Variants in CPD observed in about 807,000 individuals in gnomAD.
The protein encoded by CPD is carboxypeptidase D, also known as metallocarboxypeptidase D.
Under a neutral mutation model 138.3 loss-of-function variants are expected in CPD, and 69 were observed. The ratio of observed to expected loss-of-function variants is 0.50; its 90% CI spans 0.41 to 0.61. The LOEUF (loss-of-function observed/expected upper bound fraction) is 0.61, where lower values mean the gene tolerates loss of function less well. Ranked by LOEUF, CPD falls within the 20% of genes least tolerant of loss-of-function variation. The pLI, the probability that CPD is intolerant of heterozygous loss-of-function variation, is 0.00. For missense variants in CPD, 1,432 were observed against 1,733.3 expected (o/e 0.83, Z 3.09); for synonymous variants, 651 against 642.1 (o/e 1.01, Z -0.21).
chr17:30,432,564 TA>T (rs1363675890), intron 8 of CPD, among the ~76,000 whole-genome samples: 3 of 152,126 alleles, frequency 2.0e-5, no homozygotes, highest in African/African-American at 7.2e-5. Flanking sequence ...GGATTACTCT[TA>T]CAATCGGGAA....
At chr17:30,450,646 G>T (rs1913144486) in intron 13 of CPD, among the ~76,000 whole-genome samples, 1 of 152,186 alleles carries the variant, frequency 6.6e-6, no homozygotes, top group Non-Finnish European at 1.5e-5. Flanking sequence ...ACCACTTGAG[G>T]CCAGGCGTTT....
chr17:30,402,812 C>T (rs1326975316), intron 2 of CPD, among the ~76,000 whole-genome samples: 2 of 152,038 alleles, frequency 1.3e-5, no homozygotes, highest in Non-Finnish European at 2.9e-5. Context: ...CCTATTAAAA[C>T]ATAATACTTG....
chr17:30,401,285 C>T (rs1211011047), intron 2 of CPD, among the ~76,000 whole-genome samples: 1 of 151,192 alleles, frequency 6.6e-6, no homozygotes, highest in Non-Finnish European at 1.5e-5. Context: ...CTTCCTTCTC[C>T]TCCTCTTTCT....
At chr17:30,385,343 G>A in intron 2 of CPD, 107 bp downstream of exon 2, 4 of 1,341,040 alleles carry the variant, frequency 3.0e-6, no homozygotes, top group Non-Finnish European at 4.0e-6. Flanking sequence ...AACTTTAAAA[G>A]ATATTTATTT....
chr17:30,419,386 C>T (rs8068747), intron 2 of CPD, among the ~76,000 whole-genome samples: 32,338 of 152,148 alleles, frequency 0.21, 4,438 homozygotes, highest in Non-Finnish European at 0.3. Context: ...GTTGCCCAGG[C>T]TGGAGTGCAG....
In CPD at chr17:30,448,180, A is replaced by G. The variant is rs16965797; in HGVS notation, c.2874-1373A>G. Among the ~76,000 whole-genome samples, 227 of 152,278 alleles carry G rather than the reference A, an allele frequency of 1.5e-3. 1 individual carries two copies. The highest frequency in any genetic ancestry group is 5.2e-3 in the African/African-American group (218 of 41,548). ...TAATATCATACAATCTTAGTGCCAT[A>G]GAGTTCATATACTTTTTTATTTTAA... On this transcript the variant is annotated intron_variant, in intron 12 of 20. Transcript: ENST00000225719.
At chr17:30,411,938 C>T (rs564087382) in intron 2 of CPD, among the ~76,000 whole-genome samples, 1 of 152,258 alleles carries the variant, frequency 6.6e-6, no homozygotes, top group African/African-American at 2.4e-5. Flanking sequence ...GGAGAAGAGG[C>T]GCTCTGGTTT....
chr17:30,430,503 A>G (rs1362301329), intron 7 of CPD, among the ~76,000 whole-genome samples: 2 of 152,212 alleles, frequency 1.3e-5, no homozygotes, highest in African/African-American at 4.8e-5. Context: ...AGTACATTGT[A>G]TATACATATG....
In CPD at chr17:30,379,699, C is replaced by A; in HGVS notation, c.719C>A (p.Ala240Asp). The change falls in exon 1 of 21, where the codon GCC (alanine) becomes GAC (aspartate). Residue 240 changes from alanine to aspartate, a missense_variant. By Grantham distance (126) the Ala-to-Asp change is moderately radical. Coordinates refer to ENST00000225719, the MANE Select transcript of CPD (RefSeq NM_001304.5). The surrounding 1 kb of genome is among the most constrained non-coding windows in gnomAD (Gnocchi z 7.0). ...PALDEVPEVRALIEWIRRNKF... is the reference protein window; with the variant it reads ...PALDEVPEVRDLIEWIRRNKF... ...CTGGACGAGGTGCCCGAGGTGCGCG[C>A]CCTCATCGAGTGGATCCGCAGGAAC... is the stretch of plus-strand genomic sequence containing the variant. 1 of 1,508,944 alleles carries A rather than the reference C, an allele frequency of 6.6e-7. No individual in the cohort carries two copies. Among genetic ancestry groups the A allele is most frequent in the Non-Finnish European group, 8.7e-7 (1 of 1,147,318 alleles). 93.5% of individuals were successfully genotyped at this position (1,508,944 alleles called of 1,614,324 possible).
chr17:30,442,401 C>G lies in CPD; in HGVS notation c.2324C>G (p.Pro775Arg). 1 of 1,613,424 alleles carries G rather than the reference C, an allele frequency of 6.2e-7. No individual in the cohort carries two copies. The highest frequency in any genetic ancestry group is 1.3e-5 in the African/African-American group (1 of 74,982). ...AAATATCCACTTGAGAAAGAGCTGCCAAACTTTTGGGAACAGAATCGAAGA... is the reference window on the plus strand; with the variant it reads ...AAATATCCACTTGAGAAAGAGCTGCGAAACTTTTGGGAACAGAATCGAAGA... ...CVKYPLEKEL[P>R]NFWEQNRRSL... The change falls in exon 10 of 21, where the codon CCA (proline) becomes CGA (arginine). Residue 775 changes from proline to arginine, a missense_variant. Around this residue, in one of 6 missense-constraint regions of CPD, gnomAD observed 297 missense variants for 405.3 expected, o/e 0.73. Coordinates refer to ENST00000225719, the MANE Select transcript of CPD (RefSeq NM_001304.5).
intron 8 of CPD, among the ~76,000 whole-genome samples, chr17:30,435,178 A>G (rs1452325280): frequency 6.6e-6 from 1 of 152,172 alleles, no homozygotes; most frequent in African/African-American, 2.4e-5. Context: ...AAAAAATGGA[A>G]GAAAAAGACA....
chr17:30,385,351 T>C (rs1555605816), intron 2 of CPD, 115 bp downstream of exon 2: 41 of 1,313,378 alleles, frequency 3.1e-5, no homozygotes, highest in South Asian at 4.7e-5. Context: ...AAGATATTTA[T>C]TTTTATTTTG....
At chr17:30,434,752 A>G (rs1184161862) in intron 8 of CPD, among the ~76,000 whole-genome samples, 1 of 152,178 alleles carries the variant, frequency 6.6e-6, no homozygotes, top group African/African-American at 2.4e-5. Context: ...CAAGACAGAA[A>G]AGAACTTTAA....
At chr17:30,431,714 T>C (rs564727705) in intron 7 of CPD, 58 bp from the exon 8 acceptor site, 36 of 1,149,676 alleles carry the variant, frequency 3.1e-5, no homozygotes, top group Middle Eastern at 1.9e-4. Context: ...AAAAGCTTTA[T>C]GTTAATAATC....
intron 8 of CPD, among the ~76,000 whole-genome samples, chr17:30,436,333 T>A (rs976783278): frequency 2.8e-4 from 42 of 152,046 alleles, no homozygotes; most frequent in African/African-American, 9.4e-4. Context: ...AATAAATAGA[T>A]GACCCACAGA....
intron 12 of CPD, among the ~76,000 whole-genome samples, chr17:30,446,599 A>G (rs893174304): frequency 6.6e-6 from 1 of 152,152 alleles, no homozygotes. Flanking sequence ...GGTTGGTTCC[A>G]AGTCTTTGCT....
At chr17:30,456,082 C>T (rs1276792146) in intron 15 of CPD, 174 bp from the exon 16 acceptor site, 4 of 578,528 alleles carry the variant, frequency 6.9e-6, no homozygotes, top group Non-Finnish European at 1.2e-5. Flanking sequence ...GGATGTTTGT[C>T]TTCTATTATC....
chr17:30,417,112 A>G (rs1314615805), intron 2 of CPD, among the ~76,000 whole-genome samples: 1 of 152,080 alleles, frequency 6.6e-6, no homozygotes, highest in Non-Finnish European at 1.5e-5. Flanking sequence ...AAAAAAAAAA[A>G]AAAATTCTGC....
At chr17:30,429,958 A>G (rs746300907) in intron 7 of CPD, among the ~76,000 whole-genome samples, 5 of 152,182 alleles carry the variant, frequency 3.3e-5, no homozygotes, top group Admixed American at 2.6e-4. Context: ...GGGAGGGTAG[A>G]TAGCCTTTCC....
Sources: allele counts gnomAD v4.1 joint callset (sites outside exome capture counted in the v4.1 genomes callset), GRCh38; gene constraint gnomAD v4.1.1; regional missense constraint gnomAD v4.1.1; non-coding constraint Gnocchi (gnomAD v3.1); transcripts MANE v1.5; gene names NCBI Gene and HGNC (gene_info 2026-07-23, HGNC 2026-07-21).